The following KCNMA1 variants were observed in gnomAD, a reference collection of about 807,000 sequenced individuals.
KCNMA1 encodes the protein potassium calcium-activated channel subfamily M alpha 1, also known as Calcium-activated potassium channel subunit alpha-1.
A neutral mutation model predicts 140.0 loss-of-function variants in KCNMA1; 29 were observed. The observed-to-expected ratio is 0.21, with a 90% CI of 0.15 to 0.28. The LOEUF is 0.28. Among genes scored for constraint, KCNMA1 ranks in the 10% least tolerant of loss-of-function variants. The pLI is 1.00. For missense variants in KCNMA1, 880 were observed against 1,602.2 expected, an observed-to-expected ratio of 0.55 and a Z score of 7.70; for synonymous variants, 612 against 611.9, an observed-to-expected ratio of 1.00 and a Z score of 0.00.
At chr10:77,350,527 T>C (rs939483942) in intron 2 of KCNMA1, 2 of 152,200 alleles carry the variant, frequency 1.3e-5, no homozygotes, top group African/African-American at 4.8e-5. Flanking sequence ...ACACAGCCAT[T>C]TTGAAGTTGG....
chr10:77,424,359 C>T (rs886718230), intron 1 of KCNMA1, among the ~76,000 whole-genome samples: 1 of 152,146 alleles, frequency 6.6e-6, no homozygotes, highest in African/African-American at 2.4e-5. Context: ...AGCACTGCCC[C>T]CATATGGCAA....
chr10:77,400,705 T>C (rs1358309535), intron 2 of KCNMA1, among the ~76,000 whole-genome samples: 2 of 152,184 alleles, frequency 1.3e-5, no homozygotes, highest in East Asian at 3.8e-4. Context: ...ACTGATAAGA[T>C]TGGCCTGTTT....
intron 13 of KCNMA1, among the ~76,000 whole-genome samples, chr10:77,073,961 A>G (rs1371565470): frequency 1.3e-5 from 2 of 152,226 alleles, no homozygotes; most frequent in East Asian, 3.8e-4. Flanking sequence ...AGGCATGCTC[A>G]TCCAATTATT....
chr10:76,899,736 T>C (rs910761341), intron 25 of KCNMA1, among the ~76,000 whole-genome samples: 1 of 152,092 alleles, frequency 6.6e-6, no homozygotes, highest in East Asian at 1.9e-4. Context: ...AATGAATGAT[T>C]TGGGGGAAAC....
intron 1 of KCNMA1, among the ~76,000 whole-genome samples, chr10:77,456,650 C>T (rs1445084864): frequency 6.6e-6 from 1 of 152,186 alleles, no homozygotes; most frequent in Admixed American, 6.5e-5. Flanking sequence ...AGTGCCAGCT[C>T]TGCCTGCATC....
At chr10:77,150,674 T>C (rs1597267052) in intron 5 of KCNMA1, among the ~76,000 whole-genome samples, 1 of 152,342 alleles carries the variant, frequency 6.6e-6, no homozygotes, top group Non-Finnish European at 1.5e-5. Flanking sequence ...GCATAAATAA[T>C]GCAAAACCTT....
At chr10:76,964,816 C>T (rs1485144038) in intron 20 of KCNMA1, among the ~76,000 whole-genome samples, 1 of 152,142 alleles carries the variant, frequency 6.6e-6, no homozygotes, top group Non-Finnish European at 1.5e-5. Context: ...CCAGGAGATG[C>T]CCAAGAGGAT....
chr10:77,446,399 A>G (rs1247563440), intron 1 of KCNMA1, among the ~76,000 whole-genome samples: 3 of 152,228 alleles, frequency 2.0e-5, no homozygotes, highest in Admixed American at 1.3e-4. Context: ...TCCAAGAGCT[A>G]GAGTGGCCTC....
intron 2 of KCNMA1, among the ~76,000 whole-genome samples, chr10:77,320,194 GAAGAATTCTGGGGA>G (rs907309120): frequency 1.3e-5 from 2 of 152,192 alleles, no homozygotes; most frequent in African/African-American, 2.4e-5. Context: ...AAATGGTGGA[GAAGAATTCTGGGGA>G]AAGAATTCTG....
chr10:77,414,283 C>T (rs552121305), intron 1 of KCNMA1, among the ~76,000 whole-genome samples: 9 of 152,194 alleles, frequency 5.9e-5, no homozygotes, highest in South Asian at 4.1e-4. Flanking sequence ...TTCCCTCCCC[C>T]GGGAAATGCT....
chr10:77,001,379 G>C lies in KCNMA1; in HGVS notation c.2266+28C>G. ...TGATACCACAGACAGCACAAACATG[G>C]AACTACGTGTGTTGAGGTTAAACTT... On this transcript the variant is annotated intron_variant, in intron 19 of 27. Coordinates refer to ENST00000286628, the MANE Select transcript of KCNMA1 (RefSeq NM_001161352.2). 2.6e-6 allele frequency: 4 copies of C among 1,544,078 alleles called. No individual in the cohort carries two copies. The South Asian group carries it at 4.8e-5, about 18-fold the overall frequency.
At chr10:77,073,063 C>G (rs375449217) in intron 14 of KCNMA1, 34 bp downstream of exon 14, 73 of 1,605,952 alleles carry the variant, frequency 4.5e-5, no homozygotes, top group Non-Finnish European at 5.9e-5. Context: ...AATGGAATCC[C>G]GAGCTAATGT....
intron 1 of KCNMA1, among the ~76,000 whole-genome samples, chr10:77,471,874 TAC>T (rs1423523103): frequency 6.6e-5 from 10 of 150,990 alleles, no homozygotes; most frequent in Non-Finnish European, 1.0e-4. Context: ...CACACATATA[TAC>T]ACACACATAA....
chr10:77,073,218 T>C lies in KCNMA1; in HGVS notation c.1628A>G (p.Lys543Arg). Residue 543 changes from lysine (K) to arginine (R), a missense_variant, in exon 14 of 28, where the codon AAA becomes AGA. This residue lies in a region of KCNMA1 where 198 missense variants were observed against 580.1 expected (regional missense o/e 0.34). Coordinates refer to ENST00000286628, the MANE Select transcript of KCNMA1 (RefSeq NM_001161352.2). ...HLLNIPSWNW[K>R]EGDDAICLAE... is the part of the protein sequence containing the mutation. ...GAGGCAGATTGCGTCATCACCTTCT[T>C]TCCAATTCCAGCTCGGGATGTTTAG... 2 of 1,614,210 alleles carry C rather than the reference T, an allele frequency of 1.2e-6. No individual in the cohort carries two copies. The highest frequency in any genetic ancestry group is 1.7e-6 in the Non-Finnish European group (2 of 1,180,030).
At chr10:76,980,111 G>A (rs1274441423) in intron 19 of KCNMA1, 3 of 152,176 alleles carry the variant, frequency 2.0e-5, no homozygotes, top group African/African-American at 7.2e-5. Context: ...TCAATGCATT[G>A]GAGAACAAGG....
chr10:77,491,316 G>A (rs1332522176), intron 1 of KCNMA1, among the ~76,000 whole-genome samples: 1 of 152,224 alleles, frequency 6.6e-6, no homozygotes, highest in Middle Eastern at 3.4e-3. Context: ...TCTGGAACTG[G>A]GGCCTGGAAA....
chr10:77,022,482 C>T (rs2092971058), intron 16 of KCNMA1, among the ~76,000 whole-genome samples: 1 of 152,164 alleles, frequency 6.6e-6, no homozygotes, highest in Non-Finnish European at 1.5e-5. Flanking sequence ...TGGTCCCTTG[C>T]TGTCTCTGTT....
intron 2 of KCNMA1, among the ~76,000 whole-genome samples, chr10:77,331,848 T>C (rs1198599291): frequency 6.6e-6 from 1 of 152,100 alleles, no homozygotes; most frequent in Non-Finnish European, 1.5e-5. Flanking sequence ...ATAGGTAACC[T>C]GTCCCCTGTC....
intron 1 of KCNMA1, among the ~76,000 whole-genome samples, chr10:77,453,460 C>T (rs1317772574): frequency 6.6e-6 from 1 of 152,144 alleles, no homozygotes; most frequent in Non-Finnish European, 1.5e-5. Flanking sequence ...CCACCTGAAA[C>T]AACTAAAAAT....
Sources: gnomAD v4.1 joint callset for allele counts (sites outside exome capture counted in the v4.1 genomes callset) on GRCh38, gnomAD v4.1.1 for gene constraint, gnomAD v4.1.1 regional missense constraint, MANE v1.5 for transcripts, NCBI Gene and HGNC (gene_info 2026-07-23, HGNC 2026-07-21) for gene names.